Variants in PTPRD observed in about 807,000 individuals in gnomAD.
The protein encoded by PTPRD is protein tyrosine phosphatase receptor type D.
PTPRD carries 34 observed loss-of-function variants against 214.5 expected under a neutral mutation model. The ratio of observed to expected loss-of-function variants is 0.16; its 90% CI spans 0.12 to 0.21. The LOEUF (loss-of-function observed/expected upper bound fraction) is 0.21, where lower values mean the gene tolerates loss of function less well. Among genes scored for constraint, PTPRD ranks in the 10% least tolerant of loss-of-function variants. The pLI, the probability that PTPRD is intolerant of heterozygous loss-of-function variation, is 1.00. For synonymous variants in PTPRD, 1,128 were observed against 845.7 expected (o/e 1.33, Z -5.79); for missense variants, 2,545 against 2,398.7 (o/e 1.06, Z -1.27).
At chr9:9,736,157 T>C (rs1020362282) in intron 6 of PTPRD, among the ~76,000 whole-genome samples, 1 of 152,148 alleles carries the variant, frequency 6.6e-6, no homozygotes, top group Non-Finnish European at 1.5e-5. Flanking sequence ...TCATAGGATG[T>C]CATTGAATAT....
At chr9:10,567,806 T>C (rs1446900515) in intron 2 of PTPRD, among the ~76,000 whole-genome samples, 3 of 151,858 alleles carry the variant, frequency 2.0e-5, no homozygotes, top group African/African-American at 4.8e-5. Flanking sequence ...TGTATGTATA[T>C]AGTTTAGAAT....
rs547948219 is a variant in PTPRD, at chr9:10,603,854, C to T, written c.-600+8544G>A. 6.6e-5 allele frequency among the ~76,000 whole-genome samples: 10 copies of T among 151,868 alleles called. No individual in the cohort carries two copies. In the South Asian group the frequency reaches 1.4e-3, roughly 22 times the overall value. On this transcript the variant is annotated intron_variant, in intron 2 of 45. Transcript: ENST00000381196. ...ATTTAGAAACAAAAAAGTGTAATTA[C>T]ATACTTCTTTTAATCCCACTACAAG...
At chr9:10,214,019 G>A (rs1035245967) in intron 3 of PTPRD, among the ~76,000 whole-genome samples, 3 of 151,986 alleles carry the variant, frequency 2.0e-5, no homozygotes, top group Admixed American at 6.6e-5. Flanking sequence ...ATCAACAGCT[G>A]TAAAGGCATA....
intron 2 of PTPRD, among the ~76,000 whole-genome samples, chr9:10,368,105 C>T (rs1050330144): frequency 6.6e-6 from 1 of 152,162 alleles, no homozygotes; most frequent in Non-Finnish European, 1.5e-5. Flanking sequence ...TAAGCAGAGA[C>T]AGCCTTAGGG....
chr9:10,085,966 A>G (rs1283619291), intron 3 of PTPRD, among the ~76,000 whole-genome samples: 1 of 151,794 alleles, frequency 6.6e-6, no homozygotes, highest in Non-Finnish European at 1.5e-5. Flanking sequence ...AAACAACATA[A>G]AATCCTAGCA....
At chr9:9,266,433 A>G (rs770408383) in intron 9 of PTPRD, among the ~76,000 whole-genome samples, 20 of 151,552 alleles carry the variant, frequency 1.3e-4, no homozygotes, top group Middle Eastern at 3.4e-3. Flanking sequence ...TTCACCCAAC[A>G]GTAGCAGAAT....
chr9:8,864,643 T>C (rs1290970386), intron 11 of PTPRD, among the ~76,000 whole-genome samples: 3 of 152,184 alleles, frequency 2.0e-5, no homozygotes, highest in Non-Finnish European at 2.9e-5. Context: ...CACGTTGATT[T>C]TCACGTTGCA....
intron 2 of PTPRD, among the ~76,000 whole-genome samples, chr9:10,568,919 A>C (rs1000832514): frequency 6.6e-6 from 1 of 152,174 alleles, no homozygotes; most frequent in African/African-American, 2.4e-5. Context: ...AAAATTGACA[A>C]ATGGGATCTA....
intron 11 of PTPRD, among the ~76,000 whole-genome samples, chr9:8,948,045 G>T (rs1039111602): frequency 2.7e-5 from 4 of 145,588 alleles, no homozygotes; most frequent in Non-Finnish European, 6.0e-5. Flanking sequence ...TTTTGAGACG[G>T]AGTCTCACTC....
At chr9:9,268,540 G>A (rs1941254635) in intron 9 of PTPRD, among the ~76,000 whole-genome samples, 1 of 151,090 alleles carries the variant, frequency 6.6e-6, no homozygotes, top group African/African-American at 2.4e-5. Context: ...GAATAACAAA[G>A]GATTCCCAAT....
At chr9:8,514,168 TA>T (rs1278644361) in intron 21 of PTPRD, among the ~76,000 whole-genome samples, 4 of 152,094 alleles carry the variant, frequency 2.6e-5, no homozygotes, top group Non-Finnish European at 5.9e-5. Context: ...ACTGGTCATA[TA>T]AAAAAATAAA....
At chr9:9,323,586 C>T (rs941403882) in intron 9 of PTPRD, among the ~76,000 whole-genome samples, 4 of 152,078 alleles carry the variant, frequency 2.6e-5, no homozygotes, top group Non-Finnish European at 5.9e-5. Context: ...ATTCGAGAAC[C>T]ATCATACTAT....
rs1045781712 is a variant in PTPRD, at chr9:8,341,420, C to T, written c.4948-152G>A. On this transcript the variant is annotated intron_variant, in intron 40 of 45. Transcript: ENST00000381196. ...ATTCAAATTGTACTGCTTTTCACAT[C>T]TACCTAATCACTCTCTATAGCCTAT... is the stretch of plus-strand genomic sequence containing the variant. 3 of 889,186 alleles carry T rather than the reference C, an allele frequency of 3.4e-6. No individual in the cohort carries two copies. In the African/African-American group the frequency reaches 5.1e-5, roughly 15 times the overall value. 55.1% of individuals were successfully genotyped at this position (889,186 alleles called of 1,614,324 possible). A position where few individuals can be genotyped will look rare whatever the true frequency, so the allele number is the denominator to read the frequency against.
At position 8,329,953 on chromosome 9, in the gene PTPRD, GT is replaced by G. The variant is rs1323139514; in HGVS notation, c.5534+1628del. Among the ~76,000 whole-genome samples, 100 of 55,312 alleles carry G rather than the reference GT, an allele frequency of 1.8e-3. 1 individual carries two copies. The African/African-American group carries it at 0.048, about 27-fold the overall frequency. 36.3% of individuals were successfully genotyped at this position (55,312 alleles called of 152,430 possible). On this transcript the variant is annotated intron_variant, in intron 44 of 45. Transcript: ENST00000381196. ...AGTGGATCGTATCTTGCTGGGCTCT[GT>G]GGGAGTGGATCGTATCTTGCTGGGC...
chr9:9,484,754 A>G (rs2095557747), intron 8 of PTPRD, among the ~76,000 whole-genome samples: 1 of 152,138 alleles, frequency 6.6e-6, no homozygotes, highest in Non-Finnish European at 1.5e-5. Flanking sequence ...TGCAGAATGA[A>G]GATCAGAACT....
chr9:9,103,079 A>C (rs2099793508), intron 10 of PTPRD, among the ~76,000 whole-genome samples: 1 of 152,146 alleles, frequency 6.6e-6, no homozygotes, highest in Non-Finnish European at 1.5e-5. Context: ...CTTTTTCAGT[A>C]GTGATTTTCC....
At chr9:9,643,299 C>G (rs890036335) in intron 7 of PTPRD, among the ~76,000 whole-genome samples, 3 of 152,076 alleles carry the variant, frequency 2.0e-5, no homozygotes, top group African/African-American at 4.8e-5. Context: ...TGTAAAAAGA[C>G]AGACTTATAC....
chr9:9,827,058 C>T (rs184986722), intron 5 of PTPRD, among the ~76,000 whole-genome samples: 41 of 152,178 alleles, frequency 2.7e-4, no homozygotes, highest in African/African-American at 9.1e-4. Context: ...GAATCAATAT[C>T]GTGAAAATGG....
chr9:8,352,760 C>G (rs1704845585), intron 39 of PTPRD, among the ~76,000 whole-genome samples: 2 of 152,322 alleles, frequency 1.3e-5, no homozygotes, highest in East Asian at 1.9e-4. Context: ...TTTTCCCACA[C>G]AGACAAGATT....
Sources: gnomAD v4.1 joint callset for allele counts (sites outside exome capture counted in the v4.1 genomes callset) on GRCh38, gnomAD v4.1.1 for gene constraint, MANE v1.5 for transcripts, NCBI Gene and HGNC (gene_info 2026-07-23, HGNC 2026-07-21) for gene names.